USP39: variants seen among roughly 807,000 people sequenced by gnomAD.
USP39 encodes the protein ubiquitin carboxyl-terminal hydrolase 39.
In USP39, 38 loss-of-function variants were observed where a neutral mutation model predicts 66.4. The ratio of observed to expected loss-of-function variants is 0.57; its 90% CI spans 0.44 to 0.75. The LOEUF (loss-of-function observed/expected upper bound fraction) is 0.75, where lower values mean the gene tolerates loss of function less well. USP39 is among the 30% of genes least tolerant of loss of function. USP39 has a pLI of 0.00. For missense variants in USP39, 608 were observed against 714.4 expected (o/e 0.85, Z 1.70); for synonymous variants, 303 against 274.6 (o/e 1.10, Z -1.02).
intron 5 of USP39, among the ~76,000 whole-genome samples, chr2:85,630,415 G>A (rs903050999): frequency 1.3e-5 from 2 of 152,174 alleles, no homozygotes; most frequent in Non-Finnish European, 2.9e-5. Context: ...AGTAACAAAA[G>A]GAAATTGTTG....
chr2:85,607,325 A>T (rs1673253326), upstream of USP39: 1 of 152,244 alleles, frequency 6.6e-6, no homozygotes, highest in South Asian at 2.1e-4. Flanking sequence ...TTCTTGACCC[A>T]GGAGGCTTTG....
upstream of USP39, chr2:85,608,866 G>A: frequency 6.4e-7 from 1 of 1,573,974 alleles, no homozygotes; most frequent in Non-Finnish European, 8.7e-7. Context: ...ACTGGTCCTG[G>A]TACCCCCACA....
chr2:85,612,188 C>G, upstream of USP39: 1 of 1,001,302 alleles, frequency 1.0e-6, no homozygotes, highest in Non-Finnish European at 1.4e-6. Flanking sequence ...GCTTGACTTC[C>G]ACCCCCCGGA....
At chr2:85,627,465 C>G (rs541469829) in intron 5 of USP39, among the ~76,000 whole-genome samples, 5 of 151,070 alleles carry the variant, frequency 3.3e-5, no homozygotes, top group Non-Finnish European at 7.4e-5. Flanking sequence ...ATTAAAAAAT[C>G]ATAAACACAG....
chr2:85,641,041 A>G lies in USP39; in HGVS notation c.1350A>G (p.Leu450=). 1 of 1,613,924 alleles carries G rather than the reference A, an allele frequency of 6.2e-7. No individual in the cohort carries two copies. The highest frequency in any genetic ancestry group is 8.5e-7 in the Non-Finnish European group (1 of 1,179,936). Residue 450 remains leucine (L), a synonymous_variant, in exon 10 of 13, where the codon CTA becomes CTG. Transcript: ENST00000323701. The part of the protein sequence containing the change: ...RFQLTKLPPY[L]IFCIKRFTKN... ...AGCTTACCAAGTTGCCTCCATATCT[A>G]ATCTTTTGTATCAAGAGATTCACTA... is the stretch of plus-strand genomic sequence containing the variant.
intron 1 of USP39, among the ~76,000 whole-genome samples, chr2:85,617,718 C>A (rs560180553): frequency 2.6e-5 from 4 of 152,316 alleles, no homozygotes; most frequent in African/African-American, 9.6e-5. Flanking sequence ...TCACTGTGTG[C>A]ATGGGTTCTC....
At chr2:85,621,147 C>T in intron 2 of USP39, 1 of 181,996 alleles carries the variant, frequency 5.5e-6, no homozygotes, top group Admixed American at 5.7e-5. Flanking sequence ...ATGTCCTCTC[C>T]ACCTCCAGAA....
chr2:85,645,355 C>T (rs1033080015), intron 11 of USP39: 11 of 273,978 alleles, frequency 4.0e-5, no homozygotes, highest in Non-Finnish European at 7.6e-5. Context: ...TGGCTCACTG[C>T]AACCTCCGCC....
chr2:85,614,417 G>A (rs1673777398), upstream of USP39, among the ~76,000 whole-genome samples: 2 of 152,044 alleles, frequency 1.3e-5, no homozygotes, highest in African/African-American at 2.4e-5. Flanking sequence ...AGGAGTCTGA[G>A]GCAGGATAAT....
chr2:85,621,690 C>T (rs2104247049), intron 3 of USP39, 111 bp downstream of exon 3: 2 of 870,108 alleles, frequency 2.3e-6, no homozygotes, highest in Middle Eastern at 2.7e-4. Context: ...TCTATTTGTT[C>T]CCAGGAAATT....
chr2:85,621,389 T>C, intron 2 of USP39, 96 bp from the exon 3 acceptor site: 1 of 994,588 alleles, frequency 1.0e-6, no homozygotes, highest in Non-Finnish European at 1.6e-6. Context: ...CTGAAGGATG[T>C]TATGTGGTAT....
At chr2:85,623,867 G>C in intron 4 of USP39, 85 bp downstream of exon 4, 1 of 1,442,446 alleles carries the variant, frequency 6.9e-7, no homozygotes, top group East Asian at 2.5e-5. Context: ...CCTGAGGACA[G>C]GGAAGAATCT....
At position 85,619,227 on chromosome 2, in the gene USP39, T is replaced by C. The variant is rs372399561; in HGVS notation, c.276T>C (p.Asn92=). 10 of 1,613,800 alleles carry C rather than the reference T, an allele frequency of 6.2e-6. No individual in the cohort carries two copies. The South Asian group carries it at 9.9e-5, about 16-fold the overall frequency. The change falls in exon 2 of 13, where the codon AAT becomes AAC. Residue 92 remains asparagine (N), a synonymous_variant. Coordinates refer to ENST00000323701, the MANE Select transcript of USP39 (RefSeq NM_006590.4). ...SEPEREVRAK[N]GRVDSEDRRS... is the part of the protein sequence containing the mutation. The stretch of plus-strand genomic sequence containing the variant: ...TGATGATTTTCCTTTCAGCAAAGAA[T>C]GGCCGAGTGGATTCTGAGGACCGGA...
chr2:85,628,814 C>T (rs1675081470), intron 5 of USP39, among the ~76,000 whole-genome samples: 1 of 152,148 alleles, frequency 6.6e-6, no homozygotes, highest in South Asian at 2.1e-4. Flanking sequence ...GTTTCTTTAG[C>T]TGAGCTTAGC....
intron 6 of USP39, among the ~76,000 whole-genome samples, chr2:85,634,128 C>T (rs959746595): frequency 2.6e-5 from 4 of 151,462 alleles, no homozygotes; most frequent in African/African-American, 7.3e-5. Flanking sequence ...TGAGCCACCA[C>T]GCCCGGCCGA....
At chr2:85,645,158 C>T (rs1676545328) in intron 11 of USP39, 75 bp downstream of exon 11, 1 of 1,595,132 alleles carries the variant, frequency 6.3e-7, no homozygotes, top group Non-Finnish European at 8.6e-7. Context: ...GAGGGCAGCT[C>T]CCTTCAGTGT....
intron 11 of USP39, among the ~76,000 whole-genome samples, chr2:85,646,668 T>C (rs1292126483): frequency 6.6e-6 from 1 of 152,240 alleles, no homozygotes; most frequent in Non-Finnish European, 1.5e-5. Context: ...TCTACAATAA[T>C]GGTCTTTGGT....
intron 11 of USP39, among the ~76,000 whole-genome samples, chr2:85,645,483 G>A (rs1365869188): frequency 6.6e-6 from 1 of 151,912 alleles, no homozygotes; most frequent in Non-Finnish European, 1.5e-5. Flanking sequence ...GGGGTTTTAC[G>A]ATCTTGGCCA....
At chr2:85,648,655 A>G in intron 12 of USP39, 106 bp from the exon 13 acceptor site, 1 of 1,347,706 alleles carries the variant, frequency 7.4e-7, no homozygotes, top group Non-Finnish European at 1.1e-6. Flanking sequence ...GCAGATTTGT[A>G]AATGGGGTGA....
Sources: gnomAD v4.1 joint callset for allele counts (sites outside exome capture counted in the v4.1 genomes callset) on GRCh38, gnomAD v4.1.1 for gene constraint, MANE v1.5 for transcripts, NCBI Gene and HGNC (gene_info 2026-07-23, HGNC 2026-07-21) for gene names.